The following RANBP17 variants were observed in gnomAD, a reference collection of about 807,000 sequenced individuals.
RANBP17 encodes RAN binding protein 17.
A neutral mutation model predicts 141.2 loss-of-function variants in RANBP17; 158 were observed. That is an observed-to-expected ratio of 1.12 (90% CI 0.98 to 1.28). The LOEUF (loss-of-function observed/expected upper bound fraction) is 1.28. RANBP17 is among the 50% of genes most tolerant of loss of function. The pLI, the probability that RANBP17 is intolerant of heterozygous loss-of-function variation, is 0.00. For missense variants in RANBP17, 1,438 were observed against 1,290.7 expected, an observed-to-expected ratio of 1.11 and a Z score of -1.75; for synonymous variants, 430 against 450.0, an observed-to-expected ratio of 0.96 and a Z score of 0.56.
At chr5:171,046,943 T>C (rs553554089) in intron 14 of RANBP17, among the ~76,000 whole-genome samples, 1 of 152,100 alleles carries the variant, frequency 6.6e-6, no homozygotes, top group Admixed American at 6.5e-5. Context: ...TTTTTATAAA[T>C]CTCAAGTTTG....
At chr5:171,076,394 T>C (rs552930217) in intron 14 of RANBP17, among the ~76,000 whole-genome samples, 2 of 152,358 alleles carry the variant, frequency 1.3e-5, no homozygotes, top group Admixed American at 1.3e-4. Context: ...TATAATCTTA[T>C]GTTGACTTTG....
chr5:170,912,140 G>A (rs1005536032), intron 7 of RANBP17, among the ~76,000 whole-genome samples: 1 of 151,868 alleles, frequency 6.6e-6, no homozygotes, highest in Non-Finnish European at 1.5e-5. Flanking sequence ...GGAGATCAGA[G>A]ACTACAACAA....
At chr5:171,166,112 A>G (rs1215242810) in intron 14 of RANBP17, among the ~76,000 whole-genome samples, 2 of 152,200 alleles carry the variant, frequency 1.3e-5, no homozygotes, top group Non-Finnish European at 1.5e-5. Context: ...AAAACAGAGC[A>G]TCATTTCTGC....
rs1177197078 is a variant in RANBP17, at chr5:170,922,994, A to G, written c.1275-1363A>G. Reference sequence around the variant, plus strand: ...ATTTTCTTAGCAGAGTCCTTAGAAGAGCAGAAGTTTTAAATTTTGACTAAG... The same window carrying G: ...ATTTTCTTAGCAGAGTCCTTAGAAGGGCAGAAGTTTTAAATTTTGACTAAG... On this transcript the variant is annotated intron_variant, in intron 11 of 27. Transcript: ENST00000523189. 5.8e-5 allele frequency among the ~76,000 whole-genome samples: 8 copies of G among 138,702 alleles called. No individual in the cohort carries two copies. The South Asian group carries it at 2.1e-3, about 37-fold the overall frequency. The allele number at this position is 138,702 out of a possible 152,430, so 91.0% of individuals were successfully genotyped here. A position where few individuals can be genotyped will look rare whatever the true frequency, so the allele number is the denominator to read the frequency against.
At chr5:171,290,225 C>T (rs1041038234) in intron 25 of RANBP17, among the ~76,000 whole-genome samples, 6 of 151,886 alleles carry the variant, frequency 4.0e-5, no homozygotes, top group East Asian at 3.9e-4. Flanking sequence ...AAAAATTAGC[C>T]GGGCGTGGTG....
intron 12 of RANBP17, among the ~76,000 whole-genome samples, chr5:170,947,203 T>C (rs1356565852): frequency 2.0e-5 from 3 of 152,190 alleles, no homozygotes; most frequent in Admixed American, 2.0e-4. Flanking sequence ...GTCTACATTT[T>C]AATACATTTA....
At chr5:171,031,159 G>T (rs1781525898) in intron 14 of RANBP17, among the ~76,000 whole-genome samples, 1 of 152,026 alleles carries the variant, frequency 6.6e-6, no homozygotes, top group East Asian at 1.9e-4. Context: ...TCTACACAAA[G>T]ATTTACAGGC....
intron 25 of RANBP17, among the ~76,000 whole-genome samples, chr5:171,289,535 G>A (rs988840603): frequency 6.6e-6 from 1 of 151,832 alleles, no homozygotes; most frequent in African/African-American, 2.4e-5. Context: ...GCCAAGAATT[G>A]GAGACCAGCC....
intron 14 of RANBP17, among the ~76,000 whole-genome samples, chr5:171,020,581 G>A (rs2127601646): frequency 6.6e-6 from 1 of 151,906 alleles, no homozygotes; most frequent in East Asian, 1.9e-4. Context: ...CTGAGACTAG[G>A]ATTGTAACCC....
intron 19 of RANBP17, among the ~76,000 whole-genome samples, chr5:171,204,714 A>T (rs1361306366): frequency 6.6e-6 from 1 of 152,174 alleles, no homozygotes. Flanking sequence ...AGTACAAGTC[A>T]GATCTCTTCT....
intron 5 of RANBP17, among the ~76,000 whole-genome samples, chr5:170,898,481 G>T (rs1049083841): frequency 3.9e-5 from 6 of 152,052 alleles, no homozygotes; most frequent in African/African-American, 1.2e-4. Flanking sequence ...TAGGTTGCCT[G>T]TTCACTCTGA....
chr5:170,927,012 C>G (rs1480043941), intron 12 of RANBP17, among the ~76,000 whole-genome samples: 1 of 152,046 alleles, frequency 6.6e-6, no homozygotes, highest in Admixed American at 6.6e-5. Context: ...TTTAACCATT[C>G]CATCCACTGT....
intron 14 of RANBP17, among the ~76,000 whole-genome samples, chr5:171,055,892 A>C (rs940989307): frequency 3.7e-5 from 4 of 108,890 alleles, no homozygotes; most frequent in East Asian, 3.1e-4. Context: ...AAAAAAAAAA[A>C]AAAACAAAAA....
In RANBP17 at chr5:170,878,160, A is replaced by T. The variant is rs770942595; in HGVS notation, c.82A>T (p.Ile28Leu). ...CATAGGGACTGATCTTACACAAAGAATAGAGGCTGAGAAAGCACTCTTGGA... is the reference window on the plus strand; with the variant it reads ...CATAGGGACTGATCTTACACAAAGATTAGAGGCTGAGAAAGCACTCTTGGA... ...LYIGTDLTQR[I>L]EAEKALLELI... The change falls in exon 2 of 28, where the codon ATA becomes TTA. Residue 28 changes from isoleucine (I) to leucine (L), a missense_variant. Coordinates refer to ENST00000523189, the MANE Select transcript of RANBP17 (RefSeq NM_022897.5). 1.2e-6 allele frequency: 2 copies of T among 1,612,936 alleles called. No individual in the cohort carries two copies. Among genetic ancestry groups the T allele is most frequent in the Admixed American group, 3.3e-5 (2 of 59,926 alleles).
chr5:170,863,880 G>A (rs754076209), intron 1 of RANBP17, among the ~76,000 whole-genome samples: 3 of 152,280 alleles, frequency 2.0e-5, no homozygotes, highest in Middle Eastern at 3.4e-3. Context: ...GTACATTCCT[G>A]TAGACAGCTT....
intron 12 of RANBP17, among the ~76,000 whole-genome samples, chr5:170,926,578 T>TC (rs767574237): frequency 2.6e-5 from 4 of 152,198 alleles, no homozygotes; most frequent in Non-Finnish European, 4.4e-5. Context: ...TAAATATCAC[T>TC]CCAAGTTTGC....
At chr5:171,272,991 G>T (rs1289532769) in intron 25 of RANBP17, among the ~76,000 whole-genome samples, 1 of 152,158 alleles carries the variant, frequency 6.6e-6, no homozygotes, top group African/African-American at 2.4e-5. Context: ...AGGACACGTA[G>T]TCTTGAGAAG....
At chr5:171,063,273 T>G (rs1287298317) in intron 14 of RANBP17, among the ~76,000 whole-genome samples, 3 of 152,216 alleles carry the variant, frequency 2.0e-5, no homozygotes, top group Non-Finnish European at 2.9e-5. Flanking sequence ...GCTCTGTTTT[T>G]TCCCCATCTT....
At chr5:171,091,155 G>A (rs1420462515) in intron 14 of RANBP17, among the ~76,000 whole-genome samples, 1 of 152,206 alleles carries the variant, frequency 6.6e-6, no homozygotes, top group Admixed American at 6.5e-5. Context: ...GCAGCCAGGA[G>A]GGAGTCTGTA....
Sources: allele counts gnomAD v4.1 joint callset (sites outside exome capture counted in the v4.1 genomes callset), GRCh38; gene constraint gnomAD v4.1.1; transcripts MANE v1.5; gene names NCBI Gene and HGNC (gene_info 2026-07-23, HGNC 2026-07-21).